MAPKBP1: variants seen among roughly 807,000 people sequenced by gnomAD.
MAPKBP1 encodes the protein mitogen-activated protein kinase binding protein 1.
Under a neutral mutation model 170.5 loss-of-function variants are expected in MAPKBP1, and 71 were observed. The ratio of observed to expected loss-of-function variants is 0.42; its 90% CI spans 0.34 to 0.51. The LOEUF (loss-of-function observed/expected upper bound fraction) is 0.51, where lower values mean the gene tolerates loss of function less well. Ranked by LOEUF, MAPKBP1 falls within the 20% of genes least tolerant of loss-of-function variation. The probability of loss-of-function intolerance (pLI) is 0.06; values close to 1 mark genes in which losing one functional copy is unlikely to be tolerated. For missense variants in MAPKBP1, 1,598 were observed against 1,933.0 expected, an observed-to-expected ratio of 0.83 and a Z score of 3.25; for synonymous variants, 719 against 757.9, an observed-to-expected ratio of 0.95 and a Z score of 0.84.
intron 3 of MAPKBP1, among the ~76,000 whole-genome samples, chr15:41,806,952 T>G (rs1202397807): frequency 6.6e-6 from 1 of 152,238 alleles, no homozygotes; most frequent in African/African-American, 2.4e-5. Context: ...TGCTCTCACT[T>G]CAGCATCTGC....
chr15:41,817,932 A>G lies in MAPKBP1; in HGVS notation c.1905-77A>G. ...TCCCAGAGAGTGTAGACTGGGAGTG[A>G]AAGCTGGCATTTCCATCCCCCAGGC... is the stretch of plus-strand genomic sequence containing the variant. On this transcript the variant is annotated intron_variant, in intron 16 of 30. Transcript: ENST00000457542. The surrounding 1 kb of genome is among the most constrained non-coding windows in gnomAD (Gnocchi z 4.2). 1 of 1,549,388 alleles carries G rather than the reference A, an allele frequency of 6.5e-7. No individual in the cohort carries two copies. Among genetic ancestry groups the G allele is most frequent in the South Asian group, 1.1e-5 (1 of 88,974 alleles).
At position 41,816,635 on chromosome 15, in the gene MAPKBP1, T is replaced by G; in HGVS notation, c.1570T>G (p.Ser524Ala). Reference protein sequence around the residue: ...HDSEILCLEYSKPDTGLKLLA... With the variant: ...HDSEILCLEYAKPDTGLKLLA... ...CTCTGAGATTCTGTGCCTGGAGTAT[T>G]CTAAGCCAGACACAGGTTAGGAGAA... is the stretch of plus-strand genomic sequence containing the variant. The change falls in exon 13 of 31, where the codon TCT becomes GCT. Residue 524 changes from serine to alanine, a missense_variant. Physicochemically the swap from Ser to Ala is moderately conservative, Grantham distance 99 (BLOSUM62 1). Transcript: ENST00000457542. 6.2e-7 allele frequency: 1 copy of G among 1,613,824 alleles called. No homozygotes were observed. Among genetic ancestry groups the G allele is most frequent in the African/African-American group, 1.3e-5 (1 of 75,036 alleles).
intron 2 of MAPKBP1, among the ~76,000 whole-genome samples, chr15:41,797,699 C>T (rs1196200872): frequency 1.3e-5 from 2 of 152,134 alleles, no homozygotes; most frequent in Non-Finnish European, 2.9e-5. Context: ...CTCAGATCGG[C>T]GCAAGGGTAA....
chr15:41,797,972 C>T (rs1383866999), intron 2 of MAPKBP1, among the ~76,000 whole-genome samples: 1 of 151,940 alleles, frequency 6.6e-6, no homozygotes, highest in African/African-American at 2.4e-5. Flanking sequence ...CAGGTTCAGC[C>T]GGGTGCGGTG....
chr15:41,819,193 C>G (rs927124771), intron 20 of MAPKBP1, 53 bp from the exon 21 acceptor site: 4 of 1,597,172 alleles, frequency 2.5e-6, no homozygotes, highest in Non-Finnish European at 2.6e-6. Flanking sequence ...ACTGAGCCTC[C>G]TCTCCCCCTA....
At chr15:41,811,908 T>A in intron 5 of MAPKBP1, 49 bp from the exon 6 acceptor site, 8 of 1,601,428 alleles carry the variant, frequency 5.0e-6, no homozygotes, top group Non-Finnish European at 6.8e-6. Flanking sequence ...TGGGGCTGTA[T>A]GCCTGTGGAG....
At chr15:41,819,184 C>T in intron 20 of MAPKBP1, 62 bp from the exon 21 acceptor site, 1 of 1,583,830 alleles carries the variant, frequency 6.3e-7, no homozygotes, top group Non-Finnish European at 8.6e-7. Flanking sequence ...TCTTCCCCCA[C>T]TGAGCCTCCT....
chr15:41,788,723 G>T (rs1297973292), intron 2 of MAPKBP1, among the ~76,000 whole-genome samples: 1 of 152,220 alleles, frequency 6.6e-6, no homozygotes, highest in East Asian at 1.9e-4. Context: ...GTAGGAAATA[G>T]AATTATGAGA....
chr15:41,801,308 A>G (rs1471316696), intron 3 of MAPKBP1, among the ~76,000 whole-genome samples: 3 of 152,178 alleles, frequency 2.0e-5, no homozygotes, highest in African/African-American at 4.8e-5. Flanking sequence ...ACAAGTGGGA[A>G]ACCTCCAACC....
chr15:41,808,105 CTT>C (rs544983500), intron 3 of MAPKBP1, among the ~76,000 whole-genome samples: 17,773 of 109,262 alleles, frequency 0.16, 426 homozygotes, highest in African/African-American at 0.17. Context: ...TTCTTTCTTT[CTT>C]TTTTTTTTTT....
At position 41,799,706 on chromosome 15, in the gene MAPKBP1, T is replaced by C; in HGVS notation, c.115-117T>C. On this transcript the variant is annotated intron_variant, in intron 2 of 30. Transcript: ENST00000457542. ...TGCAGAAGTCATAGCTCCATTCTCC[T>C]GAAAACATGGGTGTCTGGAAAGTAG... The C allele has an allele frequency of 4.1e-6, 3 of 733,042 alleles. No homozygotes were observed. In the South Asian group the frequency reaches 5.0e-5, roughly 12 times the overall value. The allele number at this position is 733,042 out of a possible 1,614,324, so 45.4% of individuals were successfully genotyped here.
At chr15:41,784,887 T>A (rs1596064288) in intron 2 of MAPKBP1, among the ~76,000 whole-genome samples, 2 of 107,062 alleles carry the variant, frequency 1.9e-5, no homozygotes, top group East Asian at 2.9e-4. Flanking sequence ...GGCGAAACCC[T>A]ATCTGTAAAA....
chr15:41,793,903 C>T (rs758047990), intron 2 of MAPKBP1, among the ~76,000 whole-genome samples: 1 of 152,130 alleles, frequency 6.6e-6, no homozygotes, highest in African/African-American at 2.4e-5. Context: ...AAATATGTAG[C>T]TGCATAAGGA....
At chr15:41,779,747 T>C (rs1478915289) in intron 2 of MAPKBP1, among the ~76,000 whole-genome samples, 10 of 152,188 alleles carry the variant, frequency 6.6e-5, no homozygotes, top group Non-Finnish European at 1.5e-4. Context: ...CCACATAGAA[T>C]AGATGACTAA....
chr15:41,789,262 G>A (rs1448510982), intron 2 of MAPKBP1, among the ~76,000 whole-genome samples: 1 of 150,446 alleles, frequency 6.6e-6, no homozygotes, highest in Non-Finnish European at 1.5e-5. Context: ...TGGTTTTGCT[G>A]TAGTACTGTA....
At position 41,822,344 on chromosome 15, in the gene MAPKBP1, G is replaced by T; in HGVS notation, c.3151G>T (p.Glu1051Ter). The T allele has an allele frequency of 6.2e-7, 1 of 1,614,044 alleles. No homozygotes were observed. The highest frequency in any genetic ancestry group is 8.5e-7 in the Non-Finnish European group (1 of 1,179,998). ...EGGMGPYGLQ[E>*]GSPQTPDQEQ... ...AGGCATGGGCCCCTATGGGCTACAG[G>T]AGGGCAGCCCCCAGACTCCAGACCA... Residue 1051 changes from glutamate (E) to a stop codon, truncating the protein, a stop_gained, in exon 26 of 31, where the codon GAG becomes TAG. Transcript: ENST00000457542. LOFTEE classifies it high-confidence loss of function.
At chr15:41,788,306 A>C (rs2064335763) in intron 2 of MAPKBP1, among the ~76,000 whole-genome samples, 1 of 152,198 alleles carries the variant, frequency 6.6e-6, no homozygotes, top group Non-Finnish European at 1.5e-5. Flanking sequence ...AAATTGATTC[A>C]ACAAATATAT....
intron 2 of MAPKBP1, among the ~76,000 whole-genome samples, chr15:41,778,107 G>A (rs1445618732): frequency 6.6e-6 from 1 of 152,142 alleles, no homozygotes; most frequent in South Asian, 2.1e-4. Flanking sequence ...AAGGATCGGG[G>A]TCATGCTCTT....
At chr15:41,822,794 T>G (rs971256490) in intron 27 of MAPKBP1, 117 bp downstream of exon 27, 10 of 1,466,762 alleles carry the variant, frequency 6.8e-6, no homozygotes, top group East Asian at 2.3e-5. Context: ...GCACTCCCAG[T>G]TTTGGGCTAA....
Sources: allele counts gnomAD v4.1 joint callset (sites outside exome capture counted in the v4.1 genomes callset), GRCh38; gene constraint gnomAD v4.1.1; non-coding constraint Gnocchi (gnomAD v3.1); transcripts MANE v1.5; gene names NCBI Gene and HGNC (gene_info 2026-07-23, HGNC 2026-07-21).